CC2D2A: variants seen among roughly 807,000 people sequenced by gnomAD.
The protein encoded by CC2D2A is coiled-coil and C2 domain-containing protein 2A.
A neutral mutation model predicts 212.9 loss-of-function variants in CC2D2A; 155 were observed. The observed-to-expected ratio is 0.73, with a 90% confidence interval of 0.64 to 0.83. CC2D2A has a LOEUF of 0.83. CC2D2A is among the 40% of genes least tolerant of loss of function. The pLI is 0.00. For synonymous variants in CC2D2A, 667 were observed against 686.5 expected (o/e 0.97, Z 0.44); for missense variants, 1,856 against 1,956.2 (o/e 0.95, Z 0.97).
chr4:15,589,147 CTAT>C (rs1720979097), intron 32 of CC2D2A, among the ~76,000 whole-genome samples: 1 of 151,874 alleles, frequency 6.6e-6, no homozygotes, highest in Non-Finnish European at 1.5e-5. Flanking sequence ...ATATAAATTA[CTAT>C]ATTAGAAATA....
rs1720107658 is a variant in CC2D2A at position 15,570,491 on chromosome 4, G to A, written c.3589G>A (p.Ala1197Thr). 4 of 1,592,574 alleles carry A rather than the reference G, an allele frequency of 2.5e-6. No individual in the cohort carries two copies. Among genetic ancestry groups the A allele is most frequent in the Non-Finnish European group, 3.4e-6 (4 of 1,164,794 alleles). Residue 1197 changes from alanine (A) to threonine (T), a missense_variant, in exon 28 of 37, where the codon GCA becomes ACA. Physicochemically the swap from Ala to Thr is moderately conservative, Grantham distance 58. Coordinates refer to ENST00000424120, the MANE Select transcript of CC2D2A (RefSeq NM_001378615.1). ...KMPFSTIYFQ[A>T]RIDGTFKIDI... The stretch of plus-strand genomic sequence containing the variant: ...GCCATTTAGCACAATATATTTCCAA[G>A]CAAGGGTAAGTATCTAAAGTTAGAG...
intron 17 of CC2D2A, among the ~76,000 whole-genome samples, chr4:15,546,290 C>T (rs1462860247): frequency 6.6e-6 from 1 of 152,184 alleles, no homozygotes; most frequent in Non-Finnish European, 1.5e-5. Flanking sequence ...GCTTTGCCTT[C>T]ATTTTTGTGT....
At chr4:15,509,168 G>A (rs963585168) in intron 6 of CC2D2A, among the ~76,000 whole-genome samples, 18 of 152,114 alleles carry the variant, frequency 1.2e-4, no homozygotes, top group African/African-American at 4.3e-4. Context: ...CCTGGAGGAT[G>A]TGTGTTGGAC....
intron 8 of CC2D2A, among the ~76,000 whole-genome samples, chr4:15,512,684 G>A (rs1421345625): frequency 6.6e-6 from 1 of 152,098 alleles, no homozygotes; most frequent in East Asian, 1.9e-4. Context: ...AATGGGCCGG[G>A]TGCGGTGGCC....
chr4:15,498,784 T>C lies in CC2D2A; in HGVS notation c.248-3645T>C, dbSNP rs560571507. Among the ~76,000 whole-genome samples the C allele has an allele frequency of 3.0e-4, 45 of 152,320 alleles. No homozygotes were observed. In the South Asian group the frequency reaches 9.3e-3, roughly 32 times the overall value. ...TAGTAATATTATCTTTTTAAAAAAG[T>C]CTTCATCATTATCTGGTTTCAAACA... On this transcript the variant is annotated intron_variant, in intron 4 of 36. Coordinates refer to ENST00000424120, the MANE Select transcript of CC2D2A (RefSeq NM_001378615.1).
intron 30 of CC2D2A, among the ~76,000 whole-genome samples, chr4:15,584,113 C>T (rs917638191): frequency 2.0e-5 from 3 of 151,612 alleles, no homozygotes; most frequent in Admixed American, 6.6e-5. Flanking sequence ...AATGCACTAT[C>T]AAAATACCAA....
intron 4 of CC2D2A, 95 bp from the exon 5 acceptor site, chr4:15,502,334 C>T (rs1339492460): frequency 2.1e-6 from 2 of 966,772 alleles, no homozygotes; most frequent in South Asian, 1.7e-5. Flanking sequence ...TTAACCTTCC[C>T]TTTTGGGGGG....
intron 17 of CC2D2A, among the ~76,000 whole-genome samples, chr4:15,548,009 A>G (rs1328028117): frequency 6.6e-6 from 1 of 152,140 alleles, no homozygotes; most frequent in African/African-American, 2.4e-5. Flanking sequence ...ATTGCACTCC[A>G]GCCTAGGCAA....
At chr4:15,587,675 C>A in intron 31 of CC2D2A, 141 bp from the exon 32 acceptor site, 1 of 471,204 alleles carries the variant, frequency 2.1e-6, no homozygotes, top group Non-Finnish European at 3.8e-6. Context: ...GAATTATCAA[C>A]ATAGTATCAA....
At position 15,528,652 on chromosome 4, in the gene CC2D2A, C is replaced by T; in HGVS notation, c.1392C>T (p.Gly464=). 6.2e-7 allele frequency: 1 copy of T among 1,613,852 alleles called. No homozygotes were observed. Among genetic ancestry groups the T allele is most frequent in the South Asian group, 1.1e-5 (1 of 91,066 alleles). ...CTTTAAGAAATGCTGTTCAGACTGG[C>T]CTTGATCCAGAAAAACCTCATCAGT... ...LQALRNAVQT[G]LDPEKPHQSL... Residue 464 remains glycine (G), a synonymous_variant, in exon 13 of 37, where the codon GGC becomes GGT. Coordinates refer to ENST00000424120, the MANE Select transcript of CC2D2A (RefSeq NM_001378615.1).
chr4:15,599,804 C>A, intron 36 of CC2D2A, 98 bp downstream of exon 36: 1 of 873,746 alleles, frequency 1.1e-6, no homozygotes, highest in Non-Finnish European at 1.7e-6. Flanking sequence ...ACCCACGTTG[C>A]TCCCAGAAGT....
intron 17 of CC2D2A, chr4:15,543,547 CAG>C (rs1031214145): frequency 3.3e-5 from 5 of 152,186 alleles, no homozygotes; most frequent in African/African-American, 1.2e-4. Flanking sequence ...TGAATGAACA[CAG>C]AGAATGAAAT....
At chr4:15,482,773 A>T (rs1714768453) in intron 4 of CC2D2A, among the ~76,000 whole-genome samples, 1 of 152,180 alleles carries the variant, frequency 6.6e-6, no homozygotes, top group African/African-American at 2.4e-5. Flanking sequence ...CTGCCAGGAG[A>T]GGTGGCCACC....
intron 33 of CC2D2A, among the ~76,000 whole-genome samples, chr4:15,594,256 A>G (rs1247476529): frequency 6.6e-6 from 1 of 152,158 alleles, no homozygotes; most frequent in Non-Finnish European, 1.5e-5. Context: ...TTCCAGTTAG[A>G]ACTTCCCTGC....
At chr4:15,555,011 G>C (rs1468279063) in intron 19 of CC2D2A, 61 bp from the exon 20 acceptor site, 6 of 1,530,408 alleles carry the variant, frequency 3.9e-6, no homozygotes, top group Non-Finnish European at 5.3e-6. Context: ...TAGAATTTGA[G>C]GTCCTGATGC....
intron 17 of CC2D2A, among the ~76,000 whole-genome samples, chr4:15,548,154 CG>C (rs1485025190): frequency 6.6e-6 from 1 of 151,084 alleles, no homozygotes; most frequent in Admixed American, 6.6e-5. Flanking sequence ...AGATAGAATC[CG>C]TTTTTTTCTC....
intron 1 of CC2D2A, among the ~76,000 whole-genome samples, chr4:15,475,532 G>C (rs1370703364): frequency 1.3e-5 from 2 of 152,136 alleles, no homozygotes; most frequent in African/African-American, 2.4e-5. Context: ...GGTGGGAGGG[G>C]AAGGGGATGT....
intron 11 of CC2D2A, among the ~76,000 whole-genome samples, chr4:15,524,227 G>A (rs1329843643): frequency 6.6e-6 from 1 of 151,892 alleles, no homozygotes; most frequent in Non-Finnish European, 1.5e-5. Context: ...TCCGCCTCCT[G>A]GGTTCAAGCA....
At chr4:15,533,373 T>A in intron 14 of CC2D2A, 40 bp downstream of exon 14, 2 of 1,383,374 alleles carry the variant, frequency 1.4e-6, no homozygotes, top group Non-Finnish European at 1.9e-6. Flanking sequence ...GGCTATATCA[T>A]ACATTAAGAA....
Sources: gnomAD v4.1 joint callset for allele counts (sites outside exome capture counted in the v4.1 genomes callset) on GRCh38, gnomAD v4.1.1 for gene constraint, MANE v1.5 for transcripts, NCBI Gene and HGNC (gene_info 2026-07-23, HGNC 2026-07-21) for gene names.